Variants in ABTB2 observed in about 807,000 individuals in gnomAD.
ABTB2 encodes the protein ankyrin repeat and BTB/POZ domain-containing protein 2.
A neutral mutation model predicts 104.1 loss-of-function variants in ABTB2; 56 were observed. The observed-to-expected ratio is 0.54, with a 90% CI of 0.43 to 0.67. The LOEUF (loss-of-function observed/expected upper bound fraction) is 0.67. Among genes scored for constraint, ABTB2 ranks in the 30% least tolerant of loss-of-function variants. ABTB2 has a pLI of 0.00. For missense variants in ABTB2, 1,279 were observed against 1,407.7 expected (o/e 0.91, Z 1.46); for synonymous variants, 606 against 608.2 (o/e 1.00, Z 0.05).
At chr11:34,214,007 G>A (rs887706098) in intron 1 of ABTB2, among the ~76,000 whole-genome samples, 2 of 152,096 alleles carry the variant, frequency 1.3e-5, no homozygotes, top group Admixed American at 1.3e-4. Flanking sequence ...CTGCCTCTTT[G>A]AAAAGAACAG....
At chr11:34,198,779 A>G (rs141000976) in intron 2 of ABTB2, among the ~76,000 whole-genome samples, 45 of 152,316 alleles carry the variant, frequency 3.0e-4, no homozygotes, top group African/African-American at 1.1e-3. Flanking sequence ...TGAGGCCACA[A>G]TGCTGAGAAA....
At position 34,310,839 on chromosome 11, in the gene ABTB2, G is replaced by T. The variant is rs932533528; in HGVS notation, c.883+45862C>A. Among the ~76,000 whole-genome samples, 4 of 151,652 alleles carry T rather than the reference G, an allele frequency of 2.6e-5. No individual in the cohort carries two copies. In the South Asian group the frequency reaches 8.4e-4, roughly 32 times the overall value. On this transcript the variant is annotated intron_variant, in intron 1 of 16. Transcript: ENST00000435224. Reference sequence around the variant, plus strand: ...TGGTCACCTGCATCTCATATCCTTAGTCCCTTGCACAGCTCCCCACACGAC... The same window carrying T: ...TGGTCACCTGCATCTCATATCCTTATTCCCTTGCACAGCTCCCCACACGAC...
intron 1 of ABTB2, among the ~76,000 whole-genome samples, chr11:34,220,711 G>T (rs1853610428): frequency 6.6e-6 from 1 of 152,172 alleles, no homozygotes; most frequent in South Asian, 2.1e-4. Flanking sequence ...ACCTCTTGTT[G>T]CAAAAATAAA....
At chr11:34,167,784 G>A in intron 6 of ABTB2, 119 bp downstream of exon 6, 7 of 1,064,600 alleles carry the variant, frequency 6.6e-6, no homozygotes, top group Admixed American at 4.0e-5. Context: ...TGTCTTTCCG[G>A]TCTTTTGACA....
At chr11:34,186,905 G>A (rs553324897) in intron 3 of ABTB2, among the ~76,000 whole-genome samples, 1 of 152,322 alleles carries the variant, frequency 6.6e-6, no homozygotes, top group East Asian at 1.9e-4. Context: ...GGTGCTGACC[G>A]AGATCCCCGG....
intron 1 of ABTB2, among the ~76,000 whole-genome samples, chr11:34,330,238 G>A (rs764655164): frequency 8.5e-5 from 13 of 152,200 alleles, no homozygotes; most frequent in Admixed American, 4.6e-4. Flanking sequence ...ATAGGAGCCA[G>A]TACTGCCTGG....
chr11:34,224,262 G>A (rs190680056), intron 1 of ABTB2, among the ~76,000 whole-genome samples: 11 of 152,004 alleles, frequency 7.2e-5, no homozygotes, highest in East Asian at 5.8e-4. Context: ...CTTTTGCTTC[G>A]GCCTCCCAAA....
In ABTB2 at chr11:34,357,036, G is replaced by T; in HGVS notation, c.548C>A (p.Ser183Tyr). Residue 183 changes from serine to tyrosine, a missense_variant, in exon 1 of 17, where the codon TCC (serine) becomes TAC (tyrosine). Ser to Tyr is a moderately radical substitution (Grantham distance 144). Transcript: ENST00000435224. ...SCALAAVKALSLYSMSAGDGL... is the reference protein window; with the variant it reads ...SCALAAVKALYLYSMSAGDGL... Reference sequence around the variant, plus strand: ...GTCGCCGGCGCTCATGCTGTACAGGGACAGCGCCTTGACGGCTGCCAGCGC... The same window carrying T: ...GTCGCCGGCGCTCATGCTGTACAGGTACAGCGCCTTGACGGCTGCCAGCGC... The T allele has an allele frequency of 6.5e-7, 1 of 1,541,550 alleles. No homozygotes were observed. The highest frequency in any genetic ancestry group is 8.7e-7 in the Non-Finnish European group (1 of 1,145,202).
intron 1 of ABTB2, among the ~76,000 whole-genome samples, chr11:34,214,374 G>T (rs1853523550): frequency 6.6e-6 from 1 of 152,032 alleles, no homozygotes; most frequent in African/African-American, 2.4e-5. Flanking sequence ...ACTGTTTTGA[G>T]CAATATGAGA....
At chr11:34,281,651 C>A (rs1362498360) in intron 1 of ABTB2, among the ~76,000 whole-genome samples, 1 of 152,088 alleles carries the variant, frequency 6.6e-6, no homozygotes, top group Non-Finnish European at 1.5e-5. Context: ...GTCATCCCCA[C>A]AAGGAAGCTG....
chr11:34,331,868 A>G (rs1234541951), intron 1 of ABTB2, among the ~76,000 whole-genome samples: 1 of 152,256 alleles, frequency 6.6e-6, no homozygotes, highest in Non-Finnish European at 1.5e-5. Flanking sequence ...AGTAAAAGCC[A>G]AACCTCATTT....
rs966151779 is a variant in ABTB2, at chr11:34,161,022, G to T, written c.2278C>A (p.Arg760=). The T allele has an allele frequency of 1.9e-6, 3 of 1,613,222 alleles. No homozygotes were observed. The highest frequency in any genetic ancestry group is 1.7e-6 in the Non-Finnish European group (2 of 1,179,724). The change falls in exon 11 of 17, where the codon CGG becomes AGG. Residue 760 remains arginine, a synonymous_variant. Transcript: ENST00000435224. ...AGGAGGCTCTGCACCACCGAGTACC[G>T]CGACTGCGAGAACGAGGTCCTCAGA... ...ESLRTSFSQS[R]YSVVQSLLRD...
At chr11:34,155,158 TG>T (rs1157352843) in intron 14 of ABTB2, among the ~76,000 whole-genome samples, 2 of 152,250 alleles carry the variant, frequency 1.3e-5, no homozygotes, top group Admixed American at 1.3e-4. Context: ...GCATCATGCC[TG>T]GCCCCGTGTG....
At chr11:34,221,935 C>T (rs1853628948) in intron 1 of ABTB2, among the ~76,000 whole-genome samples, 1 of 152,110 alleles carries the variant, frequency 6.6e-6, no homozygotes, top group Admixed American at 6.5e-5. Context: ...ATCCTATCTA[C>T]TTGGGAGGCT....
At chr11:34,189,069 T>C (rs571629490) in intron 3 of ABTB2, 19 of 152,328 alleles carry the variant, frequency 1.2e-4, no homozygotes, top group African/African-American at 4.1e-4. Flanking sequence ...CCACAGCGGC[T>C]CAGAGGATGC....
chr11:34,338,706 A>G (rs1018450449), intron 1 of ABTB2, among the ~76,000 whole-genome samples: 1 of 152,200 alleles, frequency 6.6e-6, no homozygotes, highest in African/African-American at 2.4e-5. Context: ...TCCTCTCAAA[A>G]CAAAACAAAA....
chr11:34,330,766 GT>G (rs1209681800), intron 1 of ABTB2, among the ~76,000 whole-genome samples: 3 of 152,214 alleles, frequency 2.0e-5, no homozygotes, highest in African/African-American at 7.2e-5. Context: ...CAAGAAATAT[GT>G]TAGGGTGGTT....
At chr11:34,169,459 A>G (rs1014339909) in intron 5 of ABTB2, among the ~76,000 whole-genome samples, 2 of 151,928 alleles carry the variant, frequency 1.3e-5, no homozygotes, top group African/African-American at 4.8e-5. Flanking sequence ...ACCATCCCCC[A>G]TCTTAGAGGG....
intron 1 of ABTB2, among the ~76,000 whole-genome samples, chr11:34,267,673 G>A (rs1458297382): frequency 2.0e-5 from 3 of 152,158 alleles, no homozygotes; most frequent in Non-Finnish European, 4.4e-5. Context: ...TGTGGATTTC[G>A]TTTATGTTTG....
Sources: allele counts gnomAD v4.1 joint callset (sites outside exome capture counted in the v4.1 genomes callset), GRCh38; gene constraint gnomAD v4.1.1; transcripts MANE v1.5; gene names NCBI Gene and HGNC (gene_info 2026-07-23, HGNC 2026-07-21).